ATRN: variants seen among roughly 807,000 people sequenced by gnomAD.
ATRN encodes the protein attractin, also known as attractin-2.
ATRN carries 54 observed loss-of-function variants against 178.7 expected under a neutral mutation model. The ratio of observed to expected loss-of-function variants is 0.30; its 90% CI spans 0.24 to 0.38. The LOEUF (loss-of-function observed/expected upper bound fraction) is 0.38. ATRN is among the 10% of genes least tolerant of loss of function. The probability of loss-of-function intolerance (pLI) is 1.00; values close to 1 mark genes in which losing one functional copy is unlikely to be tolerated. For missense variants in ATRN, 1,443 were observed against 1,815.1 expected (o/e 0.79, Z 3.73); for synonymous variants, 636 against 663.0 (o/e 0.96, Z 0.63).
At chr20:3,593,652 A>G (rs929557010) in intron 19 of ATRN, among the ~76,000 whole-genome samples, 4 of 152,196 alleles carry the variant, frequency 2.6e-5, no homozygotes, top group African/African-American at 7.2e-5. Flanking sequence ...TTCAGCATCC[A>G]TTCTGTTAAT....
intron 23 of ATRN, among the ~76,000 whole-genome samples, chr20:3,603,275 T>G (rs2086636686): frequency 6.6e-6 from 1 of 152,106 alleles, no homozygotes; most frequent in South Asian, 2.1e-4. Flanking sequence ...GAGCGGTACA[T>G]CAGCATTACT....
At chr20:3,641,136 T>A (rs924428876) in intron 27 of ATRN, among the ~76,000 whole-genome samples, 4 of 152,152 alleles carry the variant, frequency 2.6e-5, no homozygotes, top group Admixed American at 1.3e-4. Flanking sequence ...TAGTGTTTAA[T>A]GGGTACGAAG....
chr20:3,573,004 T>C, intron 12 of ATRN, 53 bp downstream of exon 12: 1 of 1,501,686 alleles, frequency 6.7e-7, no homozygotes, highest in Non-Finnish European at 9.2e-7. Context: ...CCTCATTTTA[T>C]CTGAATTGTG....
intron 18 of ATRN, among the ~76,000 whole-genome samples, chr20:3,590,900 C>T (rs191308673): frequency 4.3e-4 from 66 of 152,196 alleles, no homozygotes; most frequent in African/African-American, 1.5e-3. Flanking sequence ...CTGTCATGAG[C>T]ATACGTTATT....
chr20:3,513,289 A>G (rs978489779), intron 1 of ATRN, among the ~76,000 whole-genome samples: 46 of 152,186 alleles, frequency 3.0e-4, no homozygotes, highest in African/African-American at 1.1e-3. Flanking sequence ...TTTTGTATAA[A>G]GTGTAAGGAA....
chr20:3,582,411 G>T, intron 16 of ATRN, 57 bp downstream of exon 16: 1 of 1,496,456 alleles, frequency 6.7e-7, no homozygotes, highest in African/African-American at 1.4e-5. Context: ...GAAACCATAG[G>T]AGGCATAGTT....
At chr20:3,517,487 A>G (rs889091168) in intron 1 of ATRN, among the ~76,000 whole-genome samples, 5 of 151,774 alleles carry the variant, frequency 3.3e-5, no homozygotes, top group Non-Finnish European at 5.9e-5. Context: ...TGCTTTTACA[A>G]TGAGAACCAG....
chr20:3,588,111 G>A (rs1600134511), intron 18 of ATRN, among the ~76,000 whole-genome samples: 1 of 152,200 alleles, frequency 6.6e-6, no homozygotes. Context: ...GCCTCCCTAA[G>A]TTCTGGGATT....
chr20:3,627,634 G>A (rs2086953007), intron 25 of ATRN, among the ~76,000 whole-genome samples: 1 of 152,110 alleles, frequency 6.6e-6, no homozygotes, highest in Non-Finnish European at 1.5e-5. Flanking sequence ...TAAAAAAGGG[G>A]GCATTCCTCC....
chr20:3,488,524 A>G (rs985555290), intron 1 of ATRN, among the ~76,000 whole-genome samples: 6 of 152,172 alleles, frequency 3.9e-5, no homozygotes, highest in Admixed American at 2.0e-4. Context: ...TCTGTTATCA[A>G]TCAGGTGTTT....
In ATRN at chr20:3,575,252, G is replaced by A. The variant is rs112681478; in HGVS notation, c.2093-575G>A. ...GCTGAGATTACAGGCATGAGCCACCGCATCCGGCCATGCAGCTTCTCTTTT... is the reference window on the plus strand; with the variant it reads ...GCTGAGATTACAGGCATGAGCCACCACATCCGGCCATGCAGCTTCTCTTTT... On this transcript the variant is annotated intron_variant, in intron 12 of 28. Coordinates refer to ENST00000262919, the MANE Select transcript of ATRN (RefSeq NM_139321.3). 7.2e-3 allele frequency among the ~76,000 whole-genome samples: 1,100 copies of A among 152,288 alleles called. 14 individuals are homozygous for A. The highest frequency in any genetic ancestry group is 0.024 in the African/African-American group (1,014 of 41,566).
intron 6 of ATRN, among the ~76,000 whole-genome samples, chr20:3,556,788 T>C (rs149004426): frequency 2.6e-5 from 4 of 152,190 alleles, no homozygotes; most frequent in Non-Finnish European, 5.9e-5. Flanking sequence ...TCTTGTCTTA[T>C]GTTTTTTTTT....
rs11475291 is a variant in ATRN at position 3,493,018 on chromosome 20, AT to A, written c.410+21503del. ...ATAATTATGTAAAATATAATTGTAT[AT>A]TATCTATAATTATATAAAATATATA... On this transcript the variant is annotated intron_variant, in intron 1 of 28. Coordinates refer to ENST00000262919, the MANE Select transcript of ATRN (RefSeq NM_139321.3). Among the ~76,000 whole-genome samples, 1,171 of 146,812 alleles carry A rather than the reference AT, an allele frequency of 8.0e-3. 22 individuals carry two copies. Among genetic ancestry groups the A allele is most frequent in the African/African-American group, 0.027 (1,111 of 40,478 alleles).
rs1479083012 is a variant in ATRN at position 3,490,754 on chromosome 20, G to A, written c.410+19237G>A. On this transcript the variant is annotated intron_variant, in intron 1 of 28. Coordinates refer to ENST00000262919, the MANE Select transcript of ATRN (RefSeq NM_139321.3). ...TCTGGTGGAATTCCTTTATTTACTC[G>A]AGTCTATTATAGAATTCAGCAAACT... 2.2e-5 allele frequency: 17 copies of A among 789,878 alleles called. No individual in the cohort carries two copies. The East Asian group carries it at 2.4e-4, about 11-fold the overall frequency. 48.9% of individuals were successfully genotyped at this position (789,878 alleles called of 1,614,324 possible).
intron 1 of ATRN, among the ~76,000 whole-genome samples, chr20:3,531,112 C>T (rs1213400846): frequency 6.6e-6 from 1 of 152,164 alleles, no homozygotes; most frequent in African/African-American, 2.4e-5. Flanking sequence ...AAAACTTGAC[C>T]TGAAATTTTA....
At chr20:3,535,588 T>TACACACACACACACACACACAC (rs11468707) in intron 2 of ATRN, among the ~76,000 whole-genome samples, 3 of 143,112 alleles carry the variant, frequency 2.1e-5, no homozygotes, top group Admixed American at 7.1e-5. Flanking sequence ...CAGAAACGGT[T>TACACACACACACACACACACAC]ACACACACAC....
chr20:3,622,807 G>T (rs544771671), intron 24 of ATRN, among the ~76,000 whole-genome samples: 6 of 152,280 alleles, frequency 3.9e-5, no homozygotes, highest in South Asian at 2.1e-4. Flanking sequence ...TTTTATATGA[G>T]GTTCTTTATG....
chr20:3,523,968 A>T (rs111511433), intron 1 of ATRN, among the ~76,000 whole-genome samples: 22,684 of 152,184 alleles, frequency 0.15, 2,144 homozygotes, highest in Non-Finnish European at 0.21. Context: ...AAACATACCA[A>T]ATTGTAAAGA....
intron 24 of ATRN, among the ~76,000 whole-genome samples, chr20:3,610,037 A>G (rs981802121): frequency 6.6e-6 from 1 of 152,176 alleles, no homozygotes. Flanking sequence ...GGAAGTAGGT[A>G]GTGATATTGG....
Sources: allele counts gnomAD v4.1 joint callset (sites outside exome capture counted in the v4.1 genomes callset), GRCh38; gene constraint gnomAD v4.1.1; transcripts MANE v1.5; gene names NCBI Gene and HGNC (gene_info 2026-07-23, HGNC 2026-07-21).